The following SCLT1 variants were observed in gnomAD, a reference collection of about 807,000 sequenced individuals.
SCLT1 encodes sodium channel and clathrin linker 1.
SCLT1 carries 78 observed loss-of-function variants against 112.8 expected under a neutral mutation model. That is an observed-to-expected ratio of 0.69 (90% CI 0.58 to 0.83). The LOEUF is 0.83. Ranked by LOEUF, SCLT1 falls within the 40% of genes least tolerant of loss-of-function variation. The pLI, the probability that SCLT1 is intolerant of heterozygous loss-of-function variation, is 0.00. For missense variants in SCLT1, 747 were observed against 770.4 expected, an observed-to-expected ratio of 0.97 and a Z score of 0.36; for synonymous variants, 257 against 254.7, an observed-to-expected ratio of 1.01 and a Z score of -0.09.
At position 129,040,123 on chromosome 4, in the gene SCLT1, T is replaced by A. The variant is rs1303348137; in HGVS notation, c.235-1027A>T. The A allele has an allele frequency of 1.0e-5, 7 of 699,280 alleles. No homozygotes were observed. The East Asian group carries it at 1.9e-4, about 19-fold the overall frequency. 43.3% of individuals were successfully genotyped at this position (699,280 alleles called of 1,614,324 possible). ...TTTCTCTCTCTTTCAACCGAGAAGA[T>A]CAAGGAAGCTTGGTCTAGGAGATCA... On this transcript the variant is annotated intron_variant, in intron 4 of 20. Coordinates refer to ENST00000281142, the MANE Select transcript of SCLT1 (RefSeq NM_144643.4).
chr4:128,881,765 G>C (rs1178557906), downstream of SCLT1, among the ~76,000 whole-genome samples: 1 of 152,108 alleles, frequency 6.6e-6, no homozygotes, highest in Admixed American at 6.5e-5. Flanking sequence ...TATGAGAAGT[G>C]TTAAAAACTC....
intron 18 of SCLT1, among the ~76,000 whole-genome samples, chr4:128,911,253 T>C (rs147361309): frequency 0.012 from 1,900 of 152,162 alleles, 50 homozygotes; most frequent in African/African-American, 0.044. Flanking sequence ...GCAATAAGAA[T>C]GAAACTCCGT....
intron 18 of SCLT1, among the ~76,000 whole-genome samples, chr4:128,910,085 G>A (rs1037322464): frequency 1.3e-5 from 2 of 152,180 alleles, no homozygotes; most frequent in African/African-American, 4.8e-5. Flanking sequence ...GTATGTCACC[G>A]CATGCTTATA....
intron 7 of SCLT1, among the ~76,000 whole-genome samples, chr4:128,998,394 G>T (rs550125858): frequency 6.6e-6 from 1 of 151,894 alleles, no homozygotes; most frequent in Admixed American, 6.6e-5. Flanking sequence ...TTTAAAAATT[G>T]TTTGATTAGC....
intron 14 of SCLT1, among the ~76,000 whole-genome samples, chr4:128,951,937 T>C (rs1738783932): frequency 6.6e-6 from 1 of 152,172 alleles, no homozygotes; most frequent in Non-Finnish European, 1.5e-5. Flanking sequence ...ATGTGATCCC[T>C]CTTTCAGAGT....
chr4:128,973,891 T>C (rs1005196392), intron 9 of SCLT1, among the ~76,000 whole-genome samples: 2 of 152,080 alleles, frequency 1.3e-5, no homozygotes, highest in Non-Finnish European at 2.9e-5. Context: ...AGAAAGTAAG[T>C]AAATAGTTCT....
At chr4:128,877,664 G>C (rs1485598059) in intron 3 of SCLT1, among the ~76,000 whole-genome samples, 2 of 151,916 alleles carry the variant, frequency 1.3e-5, no homozygotes, top group Non-Finnish European at 2.9e-5. Context: ...CTGGGTGACA[G>C]AGTGAGACTC....
intron 9 of SCLT1, 92 bp from the exon 10 acceptor site, chr4:128,970,560 CT>C (rs1245668527): frequency 2.8e-6 from 2 of 724,776 alleles, no homozygotes; most frequent in Non-Finnish European, 4.7e-6. Context: ...AAAATCAGTT[CT>C]AACTCTTGTT....
At chr4:129,081,000 A>G (rs947817058) in intron 2 of SCLT1, among the ~76,000 whole-genome samples, 1 of 152,066 alleles carries the variant, frequency 6.6e-6, no homozygotes, top group African/African-American at 2.4e-5. Context: ...ATGCCCCGAG[A>G]GCATAACAGC....
intron 18 of SCLT1, among the ~76,000 whole-genome samples, chr4:128,905,267 A>G (rs946935531): frequency 6.6e-6 from 1 of 152,130 alleles, no homozygotes; most frequent in African/African-American, 2.4e-5. Context: ...TTCATGCCCT[A>G]TATTTATCAG....
intron 17 of SCLT1, among the ~76,000 whole-genome samples, chr4:128,941,969 T>C (rs1737733558): frequency 6.6e-6 from 1 of 152,112 alleles, no homozygotes; most frequent in South Asian, 2.1e-4. Context: ...AATGAGTTTG[T>C]TTCTAGACTC....
At position 128,963,492 on chromosome 4, in the gene SCLT1, A is replaced by G. The variant is rs550878148; in HGVS notation, c.869+1735T>C. Among the ~76,000 whole-genome samples the G allele has an allele frequency of 1.5e-3, 228 of 152,298 alleles. 1 individual carries two copies. The highest frequency in any genetic ancestry group is 5.2e-3 in the African/African-American group (216 of 41,556). On this transcript the variant is annotated intron_variant, in intron 11 of 20. Transcript: ENST00000281142. Reference sequence around the variant, plus strand: ...ACATGATGCTTCACCTGTGAATACGAAAGTCCCTCTTAGGAGGGAGTCTTA... The same window carrying G: ...ACATGATGCTTCACCTGTGAATACGGAAGTCCCTCTTAGGAGGGAGTCTTA...
chr4:128,919,004 T>C (rs1272971882), intron 18 of SCLT1, among the ~76,000 whole-genome samples: 1 of 152,064 alleles, frequency 6.6e-6, no homozygotes, highest in African/African-American at 2.4e-5. Context: ...CCACTGACAG[T>C]ATTAGGCAGA....
At chr4:129,029,063 T>C (rs1388910351) in intron 5 of SCLT1, among the ~76,000 whole-genome samples, 2 of 152,150 alleles carry the variant, frequency 1.3e-5, no homozygotes, top group African/African-American at 4.8e-5. Context: ...ATAGGAACAC[T>C]TTTACACTGT....
intron 6 of SCLT1, among the ~76,000 whole-genome samples, chr4:129,002,964 C>G (rs1743651959): frequency 6.6e-6 from 1 of 151,988 alleles, no homozygotes; most frequent in African/African-American, 2.4e-5. Context: ...AAATCATTCT[C>G]CTATAAAGAC....
chr4:128,902,380 T>A (rs1560821645), intron 18 of SCLT1, among the ~76,000 whole-genome samples: 4 of 152,174 alleles, frequency 2.6e-5, no homozygotes, highest in Admixed American at 1.3e-4. Context: ...GATGGTAACG[T>A]CTACTACACA....
Position 129,077,059 on chromosome 4 carries a change from CGTAAA to C in SCLT1, c.102+5242_102+5246del, listed in dbSNP as rs143272760. ...TTTCAGCCTATGTCCACAAAATTTA[CGTAAA>C]GTATAGTTAGCTACCATAAAGGTAA... On this transcript the variant is annotated intron_variant, in intron 2 of 20. Transcript: ENST00000281142. 4.4e-3 allele frequency among the ~76,000 whole-genome samples: 674 copies of C among 152,082 alleles called. 3 individuals are homozygous for C. The highest frequency in any genetic ancestry group is 0.014 in the African/African-American group (572 of 41,518).
At chr4:129,055,988 G>A (rs1749350107) in intron 2 of SCLT1, among the ~76,000 whole-genome samples, 1 of 152,174 alleles carries the variant, frequency 6.6e-6, no homozygotes, top group South Asian at 2.1e-4. Flanking sequence ...GAAAAGCATA[G>A]TATCTGGGCC....
intron 5 of SCLT1, among the ~76,000 whole-genome samples, chr4:129,029,193 T>G (rs1304135737): frequency 6.6e-6 from 1 of 152,074 alleles, no homozygotes; most frequent in African/African-American, 2.4e-5. Context: ...ACCCAGAGGA[T>G]TATAAATCAT....
Sources: gnomAD v4.1 joint callset for allele counts (sites outside exome capture counted in the v4.1 genomes callset) on GRCh38, gnomAD v4.1.1 for gene constraint, MANE v1.5 for transcripts, NCBI Gene and HGNC (gene_info 2026-07-23, HGNC 2026-07-21) for gene names.